Variants in FRMD3 observed in about 807,000 individuals in gnomAD.
FRMD3 encodes FERM domain containing 3, also known as FERM domain-containing protein 3.
In FRMD3, 33 loss-of-function variants were observed where a neutral mutation model predicts 70.2. The ratio of observed to expected loss-of-function variants is 0.47; its 90% CI spans 0.36 to 0.63. The LOEUF is 0.63. Among genes scored for constraint, FRMD3 ranks in the 20% least tolerant of loss-of-function variants. The probability of loss-of-function intolerance (pLI) is 0.00; values close to 1 mark genes in which losing one functional copy is unlikely to be tolerated. For missense variants in FRMD3, 632 were observed against 711.4 expected (o/e 0.89, Z 1.27); for synonymous variants, 279 against 255.9 (o/e 1.09, Z -0.86).
At chr9:83,303,552 T>C (rs1280157840) in intron 10 of FRMD3, among the ~76,000 whole-genome samples, 6 of 152,210 alleles carry the variant, frequency 3.9e-5, no homozygotes, top group Non-Finnish European at 8.8e-5. Context: ...CCGGGAGTGA[T>C]GATGCTGGTC....
intron 10 of FRMD3, among the ~76,000 whole-genome samples, chr9:83,302,433 T>C (rs1364418843): frequency 2.0e-5 from 3 of 152,230 alleles, no homozygotes; most frequent in Non-Finnish European, 2.9e-5. Context: ...TTCTGTGACC[T>C]TGGTCATGCC....
At chr9:83,370,414 T>G (rs1415110063) in intron 3 of FRMD3, among the ~76,000 whole-genome samples, 1 of 152,216 alleles carries the variant, frequency 6.6e-6, no homozygotes, top group Non-Finnish European at 1.5e-5. Flanking sequence ...TTACATAATT[T>G]TTTTGTTCGG....
At chr9:83,382,252 A>T (rs1825380163) in intron 2 of FRMD3, among the ~76,000 whole-genome samples, 1 of 152,210 alleles carries the variant, frequency 6.6e-6, no homozygotes. Flanking sequence ...GCTAGCCTCT[A>T]GATTCATGGG....
At chr9:83,353,556 G>A (rs963380594) in intron 3 of FRMD3, among the ~76,000 whole-genome samples, 5 of 152,142 alleles carry the variant, frequency 3.3e-5, no homozygotes, top group Admixed American at 3.3e-4. Flanking sequence ...GTGGATAAAT[G>A]AATTTGTGAA....
chr9:83,325,091 G>A (rs542148345), intron 6 of FRMD3, among the ~76,000 whole-genome samples: 2 of 152,322 alleles, frequency 1.3e-5, no homozygotes, highest in South Asian at 4.1e-4. Flanking sequence ...TCTTCTCATT[G>A]ATAAGTGGAA....
chr9:83,334,898 G>GAATAAC (rs1290547177), intron 6 of FRMD3, among the ~76,000 whole-genome samples: 2 of 152,178 alleles, frequency 1.3e-5, no homozygotes, highest in Non-Finnish European at 2.9e-5. Context: ...TGTAATATGA[G>GAATAAC]AATAACAATA....
chr9:83,271,629 A>C (rs1833553863), intron 13 of FRMD3, among the ~76,000 whole-genome samples: 1 of 152,222 alleles, frequency 6.6e-6, no homozygotes, highest in Non-Finnish European at 1.5e-5. Flanking sequence ...ATGAGTGTCA[A>C]ATTATGATAA....
chr9:83,289,199 C>G (rs1257941038), intron 13 of FRMD3, among the ~76,000 whole-genome samples: 1 of 152,150 alleles, frequency 6.6e-6, no homozygotes, highest in Non-Finnish European at 1.5e-5. Flanking sequence ...GCAAAACACA[C>G]AAAAACAGAT....
chr9:83,454,691 T>G (rs893063284), intron 1 of FRMD3, among the ~76,000 whole-genome samples: 3 of 152,216 alleles, frequency 2.0e-5, no homozygotes, highest in African/African-American at 7.2e-5. Context: ...TGTCCCCTTC[T>G]TCTCCTGGGG....
intron 2 of FRMD3, among the ~76,000 whole-genome samples, chr9:83,384,614 G>A (rs1038689210): frequency 6.6e-6 from 1 of 152,150 alleles, no homozygotes; most frequent in Non-Finnish European, 1.5e-5. Context: ...GACGGTGGGG[G>A]ATCAGGACTG....
At chr9:83,544,389 A>G in the FRMD3 span, among the ~76,000 whole-genome samples, 1 of 152,156 alleles carries the variant, frequency 6.6e-6, no homozygotes, top group Admixed American at 6.5e-5. Context: ...TTATCCAAGA[A>G]CAAGCCTGGC....
chr9:83,252,120 A>G, intron 13 of FRMD3, among the ~76,000 whole-genome samples: 1 of 152,214 alleles, frequency 6.6e-6, no homozygotes, highest in East Asian at 1.9e-4. Flanking sequence ...AAGGGCAACC[A>G]GAGAGAAAGG....
At chr9:83,375,002 T>A (rs1207647137) in intron 2 of FRMD3, among the ~76,000 whole-genome samples, 2 of 152,246 alleles carry the variant, frequency 1.3e-5, no homozygotes, top group Non-Finnish European at 2.9e-5. Flanking sequence ...CAAATTCTCC[T>A]TGTTTGGCAT....
intron 1 of FRMD3, among the ~76,000 whole-genome samples, chr9:83,465,029 A>G (rs146467539): frequency 1.3e-5 from 1 of 77,464 alleles, no homozygotes; most frequent in Non-Finnish European, 2.7e-5. Flanking sequence ...CAAAAAGAAA[A>G]AAAAAAAAAA....
At chr9:83,483,841 C>T (rs2131483107) in intron 1 of FRMD3, among the ~76,000 whole-genome samples, 1 of 152,198 alleles carries the variant, frequency 6.6e-6, no homozygotes, top group Middle Eastern at 3.4e-3. Flanking sequence ...GCCTGGGTGA[C>T]AGAGCAAGAT....
chr9:83,461,548 C>A (rs1014234433), intron 1 of FRMD3, among the ~76,000 whole-genome samples: 1 of 151,386 alleles, frequency 6.6e-6, no homozygotes, highest in Non-Finnish European at 1.5e-5. Context: ...AAAGGATGAA[C>A]TGGGTTTGTG....
At chr9:83,445,232 T>C (rs894470502) in intron 1 of FRMD3, among the ~76,000 whole-genome samples, 1 of 151,998 alleles carries the variant, frequency 6.6e-6, no homozygotes, top group African/African-American at 2.4e-5. Flanking sequence ...AAAAATTAGC[T>C]GGGTGTGGTG....
chr9:83,526,877 C>CTTTTTTTTTTTTTTTTTTTTTTT (rs5898832), intron 1 of FRMD3, among the ~76,000 whole-genome samples: 1 of 142,680 alleles, frequency 7.0e-6, no homozygotes, highest in Non-Finnish European at 1.5e-5. Flanking sequence ...GAATAAGCTT[C>CTTTTTTTTTTTTTTTTTTTTTTT]TTTTTTTTTT....
chr9:83,536,323 T>G (rs183852806), intron 1 of FRMD3, among the ~76,000 whole-genome samples: 71 of 152,310 alleles, frequency 4.7e-4, no homozygotes, highest in African/African-American at 1.7e-3. Flanking sequence ...GAATATTTAT[T>G]ATTCTAAGGA....
Sources: allele counts gnomAD v4.1 joint callset (sites outside exome capture counted in the v4.1 genomes callset), GRCh38; gene constraint gnomAD v4.1.1; transcripts MANE v1.5; gene names NCBI Gene and HGNC (gene_info 2026-07-23, HGNC 2026-07-21).